SDK1: variants seen among roughly 807,000 people sequenced by gnomAD.
SDK1 encodes the protein sidekick cell adhesion molecule 1.
SDK1 carries 157 observed loss-of-function variants against 245.5 expected under a neutral mutation model. The ratio of observed to expected loss-of-function variants is 0.64; its 90% CI spans 0.56 to 0.73. The LOEUF is 0.73. SDK1 is among the 30% of genes least tolerant of loss of function. The pLI, the probability that SDK1 is intolerant of heterozygous loss-of-function variation, is 0.00. For synonymous variants in SDK1, 1,647 were observed against 1,278.5 expected (o/e 1.29, Z -6.15); for missense variants, 3,583 against 3,002.3 (o/e 1.19, Z -4.52).
At chr7:3,339,353 CTG>C (rs1353066230) in intron 1 of SDK1, among the ~76,000 whole-genome samples, 1 of 152,102 alleles carries the variant, frequency 6.6e-6, no homozygotes, top group African/African-American at 2.4e-5. Flanking sequence ...TAATAAATAA[CTG>C]AAGTCTTAAA....
chr7:3,731,494 T>C (rs1204563986), intron 4 of SDK1, among the ~76,000 whole-genome samples: 1 of 152,230 alleles, frequency 6.6e-6, no homozygotes, highest in African/African-American at 2.4e-5. Context: ...ATGACGTTTC[T>C]TCTGCTATTC....
intron 4 of SDK1, chr7:3,643,550 T>A (rs2128652955): frequency 6.8e-6 from 1 of 146,014 alleles, no homozygotes; most frequent in African/African-American, 2.6e-5. Context: ...CACCCCCACC[T>A]GAGCATCTGT....
At chr7:4,096,372 A>T (rs1782151423) in intron 22 of SDK1, among the ~76,000 whole-genome samples, 1 of 152,004 alleles carries the variant, frequency 6.6e-6, no homozygotes, top group African/African-American at 2.4e-5. Flanking sequence ...AACTTTAGGC[A>T]CCTTAGCAAC....
rs767471767 is a variant in SDK1, at chr7:4,149,386, G to A, written c.4548G>A (p.Val1516=). The A allele has an allele frequency of 6.3e-7, 1 of 1,587,472 alleles. No individual in the cohort carries two copies. The highest frequency in any genetic ancestry group is 1.1e-5 in the South Asian group (1 of 86,958). The stretch of plus-strand genomic sequence containing the variant: ...CCATCCGGTACTTCACCATGCAGGT[G>A]CGAGAGCTGCCTCGGGGTGAGTGGC... ...ASPIRYFTMQ[V]RELPRGEWQT... The change falls in exon 30 of 45, where the codon GTG becomes GTA. Residue 1516 remains valine (V), a synonymous_variant. Transcript: ENST00000404826.
At chr7:3,903,809 G>A (rs550300873) in intron 5 of SDK1, among the ~76,000 whole-genome samples, 1 of 152,174 alleles carries the variant, frequency 6.6e-6, no homozygotes, top group African/African-American at 2.4e-5. Context: ...GGTCACGGAA[G>A]TGGGTCCCTC....
chr7:3,733,842 T>A (rs1159291392), intron 4 of SDK1, among the ~76,000 whole-genome samples: 1 of 152,182 alleles, frequency 6.6e-6, no homozygotes, highest in Non-Finnish European at 1.5e-5. Context: ...TGAGAACAAA[T>A]TGGCTTCCAG....
At chr7:3,429,091 T>C (rs1014885611) in intron 1 of SDK1, among the ~76,000 whole-genome samples, 2 of 152,156 alleles carry the variant, frequency 1.3e-5, no homozygotes, top group Admixed American at 6.5e-5. Flanking sequence ...AATTTGAAAG[T>C]TGTAAGATAC....
chr7:3,437,373 G>A (rs1583856377), intron 1 of SDK1, among the ~76,000 whole-genome samples: 3 of 152,114 alleles, frequency 2.0e-5, no homozygotes, highest in Admixed American at 2.0e-4. Context: ...GAATGTTTTA[G>A]CATAATGTCA....
At chr7:3,356,011 C>G (rs1026431981) in intron 1 of SDK1, among the ~76,000 whole-genome samples, 1 of 152,208 alleles carries the variant, frequency 6.6e-6, no homozygotes, top group Non-Finnish European at 1.5e-5. Flanking sequence ...AACAAATAGA[C>G]ACCTTATAGT....
At chr7:3,987,965 G>A (rs1026068698) in intron 14 of SDK1, among the ~76,000 whole-genome samples, 3 of 151,990 alleles carry the variant, frequency 2.0e-5, no homozygotes, top group African/African-American at 7.2e-5. Flanking sequence ...GAAATCGCAT[G>A]CACTCCTGTG....
intron 1 of SDK1, among the ~76,000 whole-genome samples, chr7:3,347,230 T>A (rs902004780): frequency 5.3e-5 from 8 of 152,034 alleles, no homozygotes; most frequent in South Asian, 2.1e-4. Context: ...GATTTTTTTT[T>A]ATATTCTTTT....
At chr7:3,820,497 C>G (rs1033734822) in intron 4 of SDK1, among the ~76,000 whole-genome samples, 1 of 152,084 alleles carries the variant, frequency 6.6e-6, no homozygotes, top group Non-Finnish European at 1.5e-5. Flanking sequence ...CTTTAACTGG[C>G]AAAAAGAATA....
intron 9 of SDK1, among the ~76,000 whole-genome samples, chr7:3,965,836 G>A (rs772422458): frequency 1.6e-4 from 24 of 152,184 alleles, no homozygotes; most frequent in Non-Finnish European, 2.8e-4. Flanking sequence ...AGGAGCAGGA[G>A]TGTGAACTCT....
chr7:3,607,262 C>T (rs1236448673), intron 1 of SDK1, among the ~76,000 whole-genome samples: 1 of 152,080 alleles, frequency 6.6e-6, no homozygotes, highest in Non-Finnish European at 1.5e-5. Context: ...TTCATAAGCA[C>T]CTTAGATCCT....
intron 28 of SDK1, among the ~76,000 whole-genome samples, chr7:4,138,589 A>C (rs1179170239): frequency 6.6e-6 from 1 of 152,068 alleles, no homozygotes; most frequent in Non-Finnish European, 1.5e-5. Context: ...TCTACTAAAA[A>C]TACAAAAATT....
At chr7:4,014,929 A>G (rs1195681237) in intron 16 of SDK1, among the ~76,000 whole-genome samples, 1 of 152,164 alleles carries the variant, frequency 6.6e-6, no homozygotes, top group Non-Finnish European at 1.5e-5. Context: ...GGCTCTTTGG[A>G]AGATGTAAAT....
intron 20 of SDK1, among the ~76,000 whole-genome samples, chr7:4,074,792 G>T (rs1312282076): frequency 6.8e-6 from 1 of 146,956 alleles, no homozygotes; most frequent in African/African-American, 2.6e-5. Flanking sequence ...GGGTTGAGTG[G>T]TTCAAGGTTG....
intron 5 of SDK1, among the ~76,000 whole-genome samples, chr7:3,880,059 C>A (rs1029005946): frequency 2.0e-5 from 3 of 152,070 alleles, no homozygotes; most frequent in Admixed American, 2.0e-4. Flanking sequence ...AAAATAATGC[C>A]GCCTTAATCC....
intron 1 of SDK1, among the ~76,000 whole-genome samples, chr7:3,531,229 A>C (rs1783334074): frequency 6.6e-6 from 1 of 152,162 alleles, no homozygotes; most frequent in African/African-American, 2.4e-5. Flanking sequence ...TTTTTACTTG[A>C]TCACATCGAG....
Sources: allele counts gnomAD v4.1 joint callset (sites outside exome capture counted in the v4.1 genomes callset), GRCh38; gene constraint gnomAD v4.1.1; transcripts MANE v1.5; gene names NCBI Gene and HGNC (gene_info 2026-07-23, HGNC 2026-07-21).